The following MRC1 variants were observed in gnomAD, a reference collection of about 807,000 sequenced individuals.
MRC1 encodes mannose receptor C-type 1.
A neutral mutation model predicts 102.9 loss-of-function variants in MRC1; 62 were observed. The observed-to-expected ratio is 0.60, with a 90% confidence interval of 0.49 to 0.74. MRC1 has a LOEUF of 0.74. MRC1 is among the 30% of genes least tolerant of loss of function. The pLI, the probability that MRC1 is intolerant of heterozygous loss-of-function variation, is 0.00. For missense variants in MRC1, 1,237 were observed against 862.8 expected, an observed-to-expected ratio of 1.43 and a Z score of -5.43; for synonymous variants, 457 against 298.4, an observed-to-expected ratio of 1.53 and a Z score of -5.48.
chr10:17,821,893 G>A (rs980553142), intron 1 of MRC1, among the ~76,000 whole-genome samples: 4 of 152,236 alleles, frequency 2.6e-5, no homozygotes, highest in African/African-American at 9.6e-5. Flanking sequence ...AAAGAACAAG[G>A]TGAATGCATG....
chr10:17,902,212 A>G (rs1833838367), intron 26 of MRC1, 90 bp downstream of exon 26: 5 of 673,734 alleles, frequency 7.4e-6, no homozygotes, highest in Non-Finnish European at 1.1e-5. Context: ...AGAATGTAAA[A>G]ATACCTGTTT....
intron 1 of MRC1, among the ~76,000 whole-genome samples, chr10:17,812,771 C>G (rs1409904722): frequency 1.3e-5 from 2 of 151,968 alleles, no homozygotes; most frequent in Non-Finnish European, 2.9e-5. Context: ...TGGGGTTTCA[C>G]CATGTTGGCC....
intron 1 of MRC1, among the ~76,000 whole-genome samples, chr10:17,820,104 C>T (rs948218533): frequency 6.6e-6 from 1 of 152,190 alleles, no homozygotes; most frequent in Non-Finnish European, 1.5e-5. Context: ...AGCTGCTTTA[C>T]TCAAAGTTGG....
chr10:17,837,798 AC>A (rs1554839572), intron 4 of MRC1, among the ~76,000 whole-genome samples: 1 of 151,960 alleles, frequency 6.6e-6, no homozygotes, highest in Non-Finnish European at 1.5e-5. Context: ...ACAGGGTTTC[AC>A]CATGTTGCCC....
chr10:17,870,301 G>T lies in MRC1; in HGVS notation c.2039G>T (p.Cys680Phe). ...ACGTGGTTTGAATCTCGAGATTTTT[G>T]TCGAGCTCTGGGTGGAGACTTAGCT... ...KKTWFESRDF[C>F]RALGGDLASI... The change falls in exon 13 of 30, where the codon TGT (cysteine) becomes TTT (phenylalanine). Residue 680 changes from cysteine (C) to phenylalanine (F), a missense_variant. Physicochemically the swap from Cys to Phe is radical, Grantham distance 205. Transcript: ENST00000569591. 1 of 780,498 alleles carries T rather than the reference G, an allele frequency of 1.3e-6. No homozygotes were observed. The highest frequency in any genetic ancestry group is 2.4e-5 in the East Asian group (1 of 41,228). The allele number at this position is 780,498 out of a possible 1,614,324, so 48.3% of individuals were successfully genotyped here.
chr10:17,859,482 T>C (rs1833146313), intron 9 of MRC1, among the ~76,000 whole-genome samples: 1 of 152,144 alleles, frequency 6.6e-6, no homozygotes, highest in Non-Finnish European at 1.5e-5. Context: ...CACGCCCAGC[T>C]AATTTTTGCA....
At chr10:17,813,695 TATA>T (rs1206155682) in intron 1 of MRC1, among the ~76,000 whole-genome samples, 1 of 101,464 alleles carries the variant, frequency 9.9e-6, no homozygotes, top group South Asian at 3.4e-4. Flanking sequence ...TATATATATA[TATA>T]TATTTTTTTT....
intron 8 of MRC1, 104 bp downstream of exon 8, chr10:17,853,228 A>G (rs982454887): frequency 1.3e-6 from 1 of 742,172 alleles, no homozygotes; most frequent in African/African-American, 1.7e-5. Flanking sequence ...TTTATTCTAC[A>G]TAAATTGGCA....
At chr10:17,886,293 T>G (rs1359735103) in intron 22 of MRC1, among the ~76,000 whole-genome samples, 3 of 151,210 alleles carry the variant, frequency 2.0e-5, no homozygotes, top group Admixed American at 6.6e-5. Flanking sequence ...TCTTCCTTCC[T>G]TCCTTCCTTC....
At position 17,847,128 on chromosome 10, in the gene MRC1, C is replaced by T. The variant is rs1178039817; in HGVS notation, c.1063+1693C>T. ...TCACCATTTTTGCATTTTACCTCTA[C>T]TATTCCTCCTCTAGGAGAAATAGTG... is the stretch of plus-strand genomic sequence containing the variant. On this transcript the variant is annotated intron_variant, in intron 6 of 29. Transcript: ENST00000569591. 2.6e-5 allele frequency among the ~76,000 whole-genome samples: 4 copies of T among 151,032 alleles called. No individual in the cohort carries two copies. The East Asian group carries it at 7.8e-4, about 30-fold the overall frequency.
Position 17,880,596 on chromosome 10 carries a change from G to C in MRC1, c.2791G>C (p.Ala931Pro). The part of the protein sequence containing the change: ...ICQRHNSSIN[A>P]TTVMPTMPSV... ...CCAGCGACATAACAGTAGTATCAAT[G>C]CTACCACAGTTATGCCTACCATGCC... Residue 931 changes from alanine (A) to proline (P), a missense_variant, in exon 20 of 30, where the codon GCT becomes CCT. Physicochemically the swap from Ala to Pro is conservative, Grantham distance 27 (BLOSUM62 -1). Coordinates refer to ENST00000569591, the MANE Select transcript of MRC1 (RefSeq NM_002438.4). 1.3e-6 allele frequency: 1 copy of C among 780,840 alleles called. No individual in the cohort carries two copies. The highest frequency in any genetic ancestry group is 1.3e-5 in the South Asian group (1 of 74,614). The allele number at this position is 780,840 out of a possible 1,614,324, so 48.4% of individuals were successfully genotyped here. A position where few individuals can be genotyped will look rare whatever the true frequency, so the allele number is the denominator to read the frequency against.
intron 26 of MRC1, among the ~76,000 whole-genome samples, chr10:17,902,942 A>G (rs982714016): frequency 6.6e-6 from 1 of 152,152 alleles, no homozygotes; most frequent in Non-Finnish European, 1.5e-5. Context: ...CACTCATTAC[A>G]TCTTCTTGAT....
chr10:17,810,464 G>T (rs1438354043), intron 1 of MRC1, among the ~76,000 whole-genome samples: 1 of 152,090 alleles, frequency 6.6e-6, no homozygotes, highest in African/African-American at 2.4e-5. Flanking sequence ...TTTTAGTACC[G>T]CAAATGTTAA....
At chr10:17,812,372 G>A (rs1838237234) in intron 1 of MRC1, among the ~76,000 whole-genome samples, 1 of 152,142 alleles carries the variant, frequency 6.6e-6, no homozygotes, top group South Asian at 2.1e-4. Context: ...AAATGGGAGG[G>A]TTTGGCTCAC....
At position 17,896,260 on chromosome 10, in the gene MRC1, A is replaced by G. The variant is rs574196345; in HGVS notation, c.3251-1774A>G. 3.1e-4 allele frequency among the ~76,000 whole-genome samples: 47 copies of G among 152,354 alleles called. No individual in the cohort carries two copies. In the South Asian group the frequency reaches 9.1e-3, roughly 30 times the overall value. ...ATCAGGGAACTAATGTCAACTCATG[A>G]CAATGACTGAAAACCATCTAAGATA... is the stretch of plus-strand genomic sequence containing the variant. On this transcript the variant is annotated intron_variant, in intron 23 of 29. Coordinates refer to ENST00000569591, the MANE Select transcript of MRC1 (RefSeq NM_002438.4).
rs782295583 is a variant in MRC1, at chr10:17,840,658, C to CTTGT, written c.803-24_803-21dup. On this transcript the variant is annotated intron_variant, in intron 4 of 29. Coordinates refer to ENST00000569591, the MANE Select transcript of MRC1 (RefSeq NM_002438.4). Reference sequence around the variant, plus strand: ...TCAACTGTTTTCTGAATGCCAAGTTCTTGTTTGTTTGTTTTGCTTTCTTTA... The same window carrying CTTGT: ...TCAACTGTTTTCTGAATGCCAAGTTCTTGTTTGTTTGTTTGTTTTGCTTTCTTTA... The CTTGT allele has an allele frequency of 2.1e-5, 16 of 779,142 alleles. No homozygotes were observed. In the East Asian group the frequency reaches 2.2e-4, roughly 11 times the overall value. 48.3% of individuals were successfully genotyped at this position (779,142 alleles called of 1,614,324 possible).
At chr10:17,874,619 G>A (rs1040051301) in intron 16 of MRC1, among the ~76,000 whole-genome samples, 10 of 152,078 alleles carry the variant, frequency 6.6e-5, no homozygotes, top group Non-Finnish European at 1.3e-4. Context: ...GTTGGAGAAA[G>A]CCTGAGGGGC....
At chr10:17,858,574 G>A (rs1162077210) in intron 9 of MRC1, among the ~76,000 whole-genome samples, 4 of 152,178 alleles carry the variant, frequency 2.6e-5, no homozygotes, top group East Asian at 1.9e-4. Flanking sequence ...TGCAACCTCC[G>A]CCTCCCGGGC....
chr10:17,856,464 C>A, intron 9 of MRC1, 112 bp downstream of exon 9: 1 of 709,550 alleles, frequency 1.4e-6, no homozygotes, highest in Non-Finnish European at 2.5e-6. Context: ...AGGGTTTCTG[C>A]TGTCTCAGTC....
Sources: allele counts gnomAD v4.1 joint callset (sites outside exome capture counted in the v4.1 genomes callset), GRCh38; gene constraint gnomAD v4.1.1; transcripts MANE v1.5; gene names NCBI Gene and HGNC (gene_info 2026-07-23, HGNC 2026-07-21).